The following NCAM1 variants were observed in gnomAD, a reference collection of about 807,000 sequenced individuals.
The protein encoded by NCAM1 is neural cell adhesion molecule 1.
A neutral mutation model predicts 109.8 loss-of-function variants in NCAM1; 14 were observed. The ratio of observed to expected loss-of-function variants is 0.13; its 90% CI spans 0.08 to 0.20. The LOEUF (loss-of-function observed/expected upper bound fraction) is 0.20. Among genes scored for constraint, NCAM1 ranks in the 10% least tolerant of loss-of-function variants. The pLI, the probability that NCAM1 is intolerant of heterozygous loss-of-function variation, is 1.00. For synonymous variants in NCAM1, 418 were observed against 442.9 expected (o/e 0.94, Z 0.70); for missense variants, 774 against 1,109.9 (o/e 0.70, Z 4.30).
At chr11:113,019,082 T>C (rs543050582) in intron 1 of NCAM1, among the ~76,000 whole-genome samples, 34 of 152,086 alleles carry the variant, frequency 2.2e-4, no homozygotes, top group Non-Finnish European at 4.7e-4. Context: ...ATAGTGATAC[T>C]CGGTCATGGT....
chr11:113,221,408 A>C (rs1195408991), intron 9 of NCAM1, 83 bp downstream of exon 9: 2 of 1,367,732 alleles, frequency 1.5e-6, no homozygotes, highest in African/African-American at 2.9e-5. Context: ...ATAACCAGAC[A>C]TGCTAAACTA....
At chr11:113,269,905 G>T (rs1565540806) in intron 17 of NCAM1, 1 of 504,542 alleles carries the variant, frequency 2.0e-6, no homozygotes, top group East Asian at 3.6e-5. Context: ...CAGACAGGCG[G>T]GGCTCAGTCT....
In NCAM1 at chr11:113,233,087, A is replaced by G; in HGVS notation, c.1523-60A>G. The G allele has an allele frequency of 6.7e-7, 1 of 1,498,266 alleles. No individual in the cohort carries two copies. Among genetic ancestry groups the G allele is most frequent in the African/African-American group, 1.4e-5 (1 of 72,266 alleles). 92.8% of individuals were successfully genotyped at this position (1,498,266 alleles called of 1,614,324 possible). ...GACAGAGATGTGCCTTGTGACTGAG[A>G]GTTAATGGTCTTGGGCCAAACTGGG... On this transcript the variant is annotated intron_variant, in intron 12 of 19. Coordinates refer to ENST00000316851, the MANE Select transcript of NCAM1 (RefSeq NM_181351.5). The surrounding 1 kb of genome is among the most constrained non-coding windows in gnomAD (Gnocchi z 4.5).
At chr11:113,144,396 A>G (rs187832498) in intron 1 of NCAM1, among the ~76,000 whole-genome samples, 1 of 152,332 alleles carries the variant, frequency 6.6e-6, no homozygotes, top group African/African-American at 2.4e-5. Context: ...CTTCTTAAAG[A>G]TTAGCAGTAT....
At chr11:113,263,012 C>CA in intron 17 of NCAM1, 1 of 1,541,308 alleles carries the variant, frequency 6.5e-7, no homozygotes, top group Admixed American at 2.0e-5. Context: ...CTGGCAGGAC[C>CA]ACCATGGCCA....
intron 9 of NCAM1, among the ~76,000 whole-genome samples, chr11:113,228,558 C>T (rs1555116649): frequency 6.6e-6 from 1 of 152,196 alleles, no homozygotes; most frequent in African/African-American, 2.4e-5. Flanking sequence ...CAATGACTTT[C>T]TTCACAGAAT....
chr11:113,187,021 G>A (rs1336783373), intron 1 of NCAM1, among the ~76,000 whole-genome samples: 5 of 152,210 alleles, frequency 3.3e-5, no homozygotes, highest in Non-Finnish European at 5.9e-5. Context: ...GAAGTTCTTA[G>A]CTCCCTTTCT....
intron 1 of NCAM1, among the ~76,000 whole-genome samples, chr11:113,104,202 T>TGGGGGG (rs1565438460): frequency 3.9e-4 from 1 of 2,540 alleles, no homozygotes; most frequent in Non-Finnish European, 8.1e-4. Flanking sequence ...GAAGAGGAGG[T>TGGGGGG]GGGGTGGGGG....
At chr11:113,236,401 T>C in intron 14 of NCAM1, 1 of 1,456,144 alleles carries the variant, frequency 6.9e-7, no homozygotes, top group South Asian at 1.2e-5. Context: ...TGGTCCCTTT[T>C]TTGTCCCCTA....
chr11:113,009,312 GTTTTTTTT>G (rs781818836), intron 1 of NCAM1, among the ~76,000 whole-genome samples: 1 of 79,656 alleles, frequency 1.3e-5, no homozygotes, highest in African/African-American at 4.8e-5. Context: ...GTTTTTTCGG[GTTTTTTTT>G]TTTTTTTTTT....
chr11:112,997,905 C>G (rs968596194), intron 1 of NCAM1, among the ~76,000 whole-genome samples: 1 of 152,132 alleles, frequency 6.6e-6, no homozygotes, highest in African/African-American at 2.4e-5. Context: ...AAAAGTGATT[C>G]TTTTCCCACG....
intron 1 of NCAM1, among the ~76,000 whole-genome samples, chr11:113,058,876 C>A (rs112941931): frequency 1.3e-5 from 2 of 152,166 alleles, no homozygotes; most frequent in East Asian, 3.9e-4. Context: ...CTGGGGGAAG[C>A]CATTATTCAT....
chr11:112,991,732 G>A (rs1951461810), intron 1 of NCAM1, among the ~76,000 whole-genome samples: 1 of 152,074 alleles, frequency 6.6e-6, no homozygotes, highest in East Asian at 1.9e-4. Context: ...TGAAGGAAGT[G>A]TTTTTGGTAA....
chr11:113,166,033 G>T (rs782267279), intron 1 of NCAM1, among the ~76,000 whole-genome samples: 17 of 151,444 alleles, frequency 1.1e-4, no homozygotes, highest in Non-Finnish European at 1.8e-4. Flanking sequence ...GGGTTTCACC[G>T]TGTTAGCCAG....
At chr11:113,267,967 A>G (rs1280927141) in intron 17 of NCAM1, among the ~76,000 whole-genome samples, 1 of 152,246 alleles carries the variant, frequency 6.6e-6, no homozygotes, top group East Asian at 1.9e-4. Context: ...AAATCCAGAC[A>G]TATTCCCCAC....
At chr11:113,232,939 C>T (rs1565517341) in intron 12 of NCAM1, 125 bp downstream of exon 12, 1 of 1,034,914 alleles carries the variant, frequency 9.7e-7, no homozygotes, top group Non-Finnish European at 1.4e-6. Flanking sequence ...TCAGCAAAGC[C>T]AGAGAGTTGG....
At chr11:113,103,679 C>T (rs1939985132) in intron 1 of NCAM1, among the ~76,000 whole-genome samples, 1 of 152,124 alleles carries the variant, frequency 6.6e-6, no homozygotes, top group African/African-American at 2.4e-5. Context: ...TTAGGATAGG[C>T]TAGACAAGGG....
At chr11:113,036,408 C>T (rs1952886337) in intron 1 of NCAM1, among the ~76,000 whole-genome samples, 1 of 152,014 alleles carries the variant, frequency 6.6e-6, no homozygotes, top group South Asian at 2.1e-4. Context: ...CGCTCCTCTG[C>T]TCTCCTCTAG....
rs78964911 is a variant in NCAM1, at chr11:113,239,266, A to G, written c.1825+4102A>G. Among the ~76,000 whole-genome samples, 989 of 152,252 alleles carry G rather than the reference A, an allele frequency of 6.5e-3. 4 individuals carry two copies. The highest frequency in any genetic ancestry group is 0.022 in the African/African-American group (916 of 41,534). ...GCCTATTTCATGTATTTTTTAAGCCAAATGTCTGCATGCCATCAAGACACT... is the reference window on the plus strand; with the variant it reads ...GCCTATTTCATGTATTTTTTAAGCCGAATGTCTGCATGCCATCAAGACACT... On this transcript the variant is annotated intron_variant, in intron 14 of 19. Coordinates refer to ENST00000316851, the MANE Select transcript of NCAM1 (RefSeq NM_181351.5).
Sources: allele counts gnomAD v4.1 joint callset (sites outside exome capture counted in the v4.1 genomes callset), GRCh38; gene constraint gnomAD v4.1.1; non-coding constraint Gnocchi (gnomAD v3.1); transcripts MANE v1.5; gene names NCBI Gene and HGNC (gene_info 2026-07-23, HGNC 2026-07-21).